The following UEVLD variants were observed in gnomAD, a reference collection of about 807,000 sequenced individuals.
UEVLD encodes UEV and lactate/malate dehyrogenase domains.
A neutral mutation model predicts 58.6 loss-of-function variants in UEVLD; 47 were observed. The ratio of observed to expected loss-of-function variants is 0.80; its 90% CI spans 0.63 to 1.02. The LOEUF is 1.02. Ranked by LOEUF, UEVLD falls within the 50% of genes least tolerant of loss-of-function variation. UEVLD has a pLI of 0.00. For missense variants in UEVLD, 510 were observed against 550.6 expected (o/e 0.93, Z 0.74); for synonymous variants, 197 against 195.3 (o/e 1.01, Z -0.07).
At chr11:18,572,105 G>A (rs1382513582) in intron 3 of UEVLD, among the ~76,000 whole-genome samples, 2 of 151,140 alleles carry the variant, frequency 1.3e-5, no homozygotes, top group Non-Finnish European at 3.0e-5. Context: ...GTGTGGTGGC[G>A]GGCACCTGTA....
intron 3 of UEVLD, among the ~76,000 whole-genome samples, chr11:18,574,056 C>A (rs1852774376): frequency 6.6e-6 from 1 of 152,166 alleles, no homozygotes; most frequent in African/African-American, 2.4e-5. Flanking sequence ...CACTGTTCAA[C>A]AAATACCAAA....
intron 8 of UEVLD, among the ~76,000 whole-genome samples, chr11:18,546,213 A>G (rs1565114453): frequency 3.3e-5 from 5 of 152,236 alleles, no homozygotes; most frequent in Non-Finnish European, 7.3e-5. Context: ...CTGGCATGCT[A>G]ACATTTTTGA....
chr11:18,556,157 G>GA (rs531847705), intron 7 of UEVLD, among the ~76,000 whole-genome samples: 3 of 152,182 alleles, frequency 2.0e-5, no homozygotes, highest in Non-Finnish European at 4.4e-5. Flanking sequence ...CACACAGGAA[G>GA]AAACAATTTC....
chr11:18,539,452 T>A (rs1008989278), intron 9 of UEVLD, among the ~76,000 whole-genome samples: 2 of 152,318 alleles, frequency 1.3e-5, no homozygotes, highest in South Asian at 2.1e-4. Context: ...AAGGGATTTT[T>A]AAAATGTTTT....
At chr11:18,584,364 C>T (rs965042820) in intron 1 of UEVLD, among the ~76,000 whole-genome samples, 6 of 152,038 alleles carry the variant, frequency 3.9e-5, no homozygotes, top group Non-Finnish European at 7.4e-5. Context: ...GCCTGGGAGA[C>T]GGAGCAAGGC....
intron 10 of UEVLD, among the ~76,000 whole-genome samples, chr11:18,535,716 C>T (rs1485674598): frequency 6.9e-6 from 1 of 145,160 alleles, no homozygotes; most frequent in Non-Finnish European, 1.5e-5. Flanking sequence ...CTGTGTGTTA[C>T]ACTTTTTTTT....
At chr11:18,547,192 G>C (rs1263832065) in intron 7 of UEVLD, 142 bp from the exon 8 acceptor site, 3 of 819,264 alleles carry the variant, frequency 3.7e-6, no homozygotes, top group Non-Finnish European at 5.5e-6. Flanking sequence ...ATCCACAAAA[G>C]CATATAAAAT....
chr11:18,533,829 A>G (rs921600277), intron 11 of UEVLD, among the ~76,000 whole-genome samples: 1 of 152,028 alleles, frequency 6.6e-6, no homozygotes, highest in Non-Finnish European at 1.5e-5. Context: ...TAATTTTTGT[A>G]TTTTTAGTAG....
At chr11:18,542,042 GGGTCCCTGA>G (rs1250502046) in intron 9 of UEVLD, among the ~76,000 whole-genome samples, 2 of 152,104 alleles carry the variant, frequency 1.3e-5, no homozygotes, top group Non-Finnish European at 2.9e-5. Flanking sequence ...TATATTTTGG[GGGTCCCTGA>G]GTGCCAAGCA....
At chr11:18,575,217 CCAGTAAGGTTCT>C in intron 3 of UEVLD, 118 bp downstream of exon 3, 2 of 928,030 alleles carry the variant, frequency 2.2e-6, no homozygotes, top group Non-Finnish European at 3.2e-6. Flanking sequence ...TGGAACAGAT[CCAGTAAGGTTCT>C]GTATAGGTCA....
intron 11 of UEVLD, 140 bp from the exon 12 acceptor site, chr11:18,532,627 AT>A: frequency 1.6e-6 from 1 of 625,504 alleles, no homozygotes; most frequent in Non-Finnish European, 2.5e-6. Flanking sequence ...TCATTTACTT[AT>A]TTTATTTTTA....
intron 8 of UEVLD, among the ~76,000 whole-genome samples, chr11:18,546,631 C>T (rs191151641): frequency 2.6e-3 from 398 of 151,686 alleles, no homozygotes; most frequent in African/African-American, 9.3e-3. Context: ...TCCAAGTAGC[C>T]GGGATTACAG....
chr11:18,556,139 T>C (rs938137757), intron 7 of UEVLD, among the ~76,000 whole-genome samples: 1 of 152,212 alleles, frequency 6.6e-6, no homozygotes, highest in Non-Finnish European at 1.5e-5. Flanking sequence ...TATTGATGGT[T>C]GATGAGACAC....
chr11:18,563,565 T>G lies in UEVLD; in HGVS notation c.612+1327A>C, dbSNP rs142603310. On this transcript the variant is annotated intron_variant, in intron 6 of 11. Coordinates refer to ENST00000396197, the MANE Select transcript of UEVLD (RefSeq NM_001040697.4). ...GAGATTGCACCACTGCATTCCAGCCTGTGCAACAGAACATGACCCTGTCTA... is the reference window on the plus strand; with the variant it reads ...GAGATTGCACCACTGCATTCCAGCCGGTGCAACAGAACATGACCCTGTCTA... The G allele has an allele frequency of 2.2e-3, 1,401 of 625,334 alleles. 23 individuals carry two copies. In the African/African-American group the frequency reaches 0.026, roughly 12 times the overall value. 38.7% of individuals were successfully genotyped at this position (625,334 alleles called of 1,614,324 possible).
chr11:18,580,769 T>A (rs780716168), intron 1 of UEVLD, among the ~76,000 whole-genome samples: 7 of 152,178 alleles, frequency 4.6e-5, no homozygotes, highest in Admixed American at 6.6e-5. Flanking sequence ...CAAAGTAGAC[T>A]AGTGGAAACC....
At chr11:18,533,398 C>T (rs577056247) in intron 11 of UEVLD, among the ~76,000 whole-genome samples, 1 of 151,352 alleles carries the variant, frequency 6.6e-6, no homozygotes, top group East Asian at 1.9e-4. Context: ...AAAAAAGCTC[C>T]CACGTGAGTG....
At position 18,578,736 on chromosome 11, in the gene UEVLD, T is replaced by C. The variant is rs61752314; in HGVS notation, c.115A>G (p.Met39Val). ...ATATGATTCTTACCATAGGTGTCCA[T>C]GGAATATTTGAAATGTGGGAAAAAT... ...NVFFPHFKYS[M>V]DTYVFKDSSQ... Residue 39 changes from methionine (M) to valine (V), a missense_variant, in exon 2 of 12, where the codon ATG becomes GTG. Coordinates refer to ENST00000396197, the MANE Select transcript of UEVLD (RefSeq NM_001040697.4). The C allele has an allele frequency of 0.019, 30,948 of 1,603,728 alleles. 649 individuals are homozygous for C. Among genetic ancestry groups the C allele is most frequent in the African/African-American group, 0.097 (7,235 of 74,694 alleles).
At chr11:18,569,215 T>C (rs1852464493) in intron 4 of UEVLD, among the ~76,000 whole-genome samples, 1 of 152,166 alleles carries the variant, frequency 6.6e-6, no homozygotes, top group South Asian at 2.1e-4. Flanking sequence ...TATTATAAAT[T>C]ATCCTTTTAT....
intron 9 of UEVLD, among the ~76,000 whole-genome samples, chr11:18,540,695 A>G (rs1332738774): frequency 6.6e-6 from 1 of 152,176 alleles, no homozygotes; most frequent in Non-Finnish European, 1.5e-5. Context: ...TGTGATCTCA[A>G]TTTGCATGCA....
Sources: allele counts gnomAD v4.1 joint callset (sites outside exome capture counted in the v4.1 genomes callset), GRCh38; gene constraint gnomAD v4.1.1; transcripts MANE v1.5; gene names NCBI Gene and HGNC (gene_info 2026-07-23, HGNC 2026-07-21).